IFT52: variants seen among roughly 807,000 people sequenced by gnomAD.
IFT52 encodes the protein intraflagellar transport protein 52 homolog.
A neutral mutation model predicts 54.4 loss-of-function variants in IFT52; 44 were observed. The ratio of observed to expected loss-of-function variants is 0.81; its 90% CI spans 0.63 to 1.04. The LOEUF is 1.04. Among genes scored for constraint, IFT52 ranks in the 50% least tolerant of loss-of-function variants. IFT52 has a pLI of 0.00. For synonymous variants in IFT52, 181 were observed against 185.3 expected, an observed-to-expected ratio of 0.98 and a Z score of 0.19; for missense variants, 452 against 523.6, an observed-to-expected ratio of 0.86 and a Z score of 1.33.
At chr20:43,609,610 A>T (rs6103393) in intron 6 of IFT52, among the ~76,000 whole-genome samples, 112,201 of 151,610 alleles carry the variant, frequency 0.74, 41,962 homozygotes, top group East Asian at 0.8. Flanking sequence ...CATCTATATT[A>T]AAAAAAACAA....
At chr20:43,640,748 A>C (rs1985853916) in intron 12 of IFT52, among the ~76,000 whole-genome samples, 1 of 152,078 alleles carries the variant, frequency 6.6e-6, no homozygotes, top group Admixed American at 6.6e-5. Context: ...AGAATAAATT[A>C]ATTACAGCTG....
In IFT52 at chr20:43,594,796, G is replaced by A. The variant is rs1245013158; in HGVS notation, c.98G>A (p.Arg33Gln). The change falls in exon 2 of 14, where the codon CGG (arginine) becomes CAG (glutamine). Residue 33 changes from arginine (R) to glutamine (Q), a missense_variant. Coordinates refer to ENST00000373030, the MANE Select transcript of IFT52 (RefSeq NM_016004.5). ...NGYKSMQKKL[R>Q]SNWKIQSLKD... ...TACAAATCCATGCAGAAAAAACTTC[G>A]GAGTAATTGGAAGATTCAGAGGTGA... is the stretch of plus-strand genomic sequence containing the variant. 5.0e-6 allele frequency: 8 copies of A among 1,585,434 alleles called. No homozygotes were observed. Among genetic ancestry groups the A allele is most frequent in the Middle Eastern group, 1.7e-4 (1 of 6,000 alleles).
chr20:43,600,440 T>G lies in IFT52; in HGVS notation c.208-3320T>G, dbSNP rs578055895. On this transcript the variant is annotated intron_variant, in intron 3 of 13. Coordinates refer to ENST00000373030, the MANE Select transcript of IFT52 (RefSeq NM_016004.5). Reference sequence around the variant, plus strand: ...CTGCCTCAGCCTTCCGAGTAGGTGGTACTACAGGTGCCCACCACCACGCCC... The same window carrying G: ...CTGCCTCAGCCTTCCGAGTAGGTGGGACTACAGGTGCCCACCACCACGCCC... 3.9e-5 allele frequency among the ~76,000 whole-genome samples: 6 copies of G among 151,938 alleles called. No homozygotes were observed. In the East Asian group the frequency reaches 5.8e-4, roughly 15 times the overall value.
intron 12 of IFT52, among the ~76,000 whole-genome samples, chr20:43,639,788 A>G (rs142610285): frequency 3.3e-5 from 5 of 152,050 alleles, no homozygotes; most frequent in African/African-American, 9.6e-5. Flanking sequence ...GCAGTGAGCT[A>G]TGATACACCT....
chr20:43,599,827 A>G (rs537859342), intron 3 of IFT52, among the ~76,000 whole-genome samples: 1 of 152,262 alleles, frequency 6.6e-6, no homozygotes, highest in South Asian at 2.1e-4. Context: ...TTGTGGTGGT[A>G]TTCAGTTACG....
chr20:43,607,574 CG>C (rs1232875303), intron 6 of IFT52, among the ~76,000 whole-genome samples: 1 of 147,232 alleles, frequency 6.8e-6, no homozygotes, highest in Non-Finnish European at 1.5e-5. Flanking sequence ...AGACGATGGG[CG>C]GCCGGGCAGA....
rs182987350 is a variant in IFT52 at position 43,601,096 on chromosome 20, G to T, written c.208-2664G>T. On this transcript the variant is annotated intron_variant, in intron 3 of 13. Coordinates refer to ENST00000373030, the MANE Select transcript of IFT52 (RefSeq NM_016004.5). Reference sequence around the variant, plus strand: ...TGTGGAATAGTTCTTTACTGTGTGGGACTGGTCTGAATATTGCAGGACCTT... The same window carrying T: ...TGTGGAATAGTTCTTTACTGTGTGGTACTGGTCTGAATATTGCAGGACCTT... 4.5e-4 allele frequency among the ~76,000 whole-genome samples: 68 copies of T among 152,136 alleles called. No individual in the cohort carries two copies. In the East Asian group the frequency reaches 0.012, roughly 27 times the overall value.
chr20:43,641,457 C>T (rs1205227194), intron 12 of IFT52, among the ~76,000 whole-genome samples: 7 of 151,184 alleles, frequency 4.6e-5, no homozygotes, highest in South Asian at 2.1e-4. Context: ...AGGCTGGTCT[C>T]GAACTCCCGG....
intron 8 of IFT52, among the ~76,000 whole-genome samples, chr20:43,619,910 C>CTTTTTTTTTT (rs11482384): frequency 6.0e-5 from 5 of 82,796 alleles, no homozygotes; most frequent in Non-Finnish European, 8.4e-5. Context: ...AGATATTCTA[C>CTTTTTTTTTT]TTTTTTTTTT....
chr20:43,620,618 C>T (rs1032155935), intron 8 of IFT52, among the ~76,000 whole-genome samples: 9 of 152,080 alleles, frequency 5.9e-5, no homozygotes, highest in East Asian at 1.9e-4. Context: ...ATTGCGCCAC[C>T]GCACTCTAAC....
In IFT52 at chr20:43,647,099, T is replaced by G; in HGVS notation, c.*116T>G. On this transcript the variant is annotated 3_prime_UTR_variant, in exon 14 of 14. Coordinates refer to ENST00000373030, the MANE Select transcript of IFT52 (RefSeq NM_016004.5). ...TATACACTCTTTCCTCCATGAGCTC[T>G]GGAAGGTATATGCATCTTCTGTAAT... The G allele has an allele frequency of 1.1e-6, 1 of 888,886 alleles. No homozygotes were observed. The highest frequency in any genetic ancestry group is 1.9e-6 in the Non-Finnish European group (1 of 532,292). 55.1% of individuals were successfully genotyped at this position (888,886 alleles called of 1,614,324 possible). A position where few individuals can be genotyped will look rare whatever the true frequency, so the allele number is the denominator to read the frequency against.
At chr20:43,605,221 GTCCATGC>G in intron 6 of IFT52, 148 bp downstream of exon 6, 1 of 1,438,538 alleles carries the variant, frequency 7.0e-7, no homozygotes, top group Non-Finnish European at 9.1e-7. Flanking sequence ...TGCACTGTAA[GTCCATGC>G]TCCTCCCCCT....
In IFT52 at chr20:43,596,508, T is replaced by G. The variant is rs1401149041; in HGVS notation, c.193T>G (p.Phe65Val). ...GATTACAGCTGGGCCAAGGGAAAAA[T>G]TTACTGCAGCTGAGGTAAGAAATAT... is the stretch of plus-strand genomic sequence containing the variant. ...LWITAGPREK[F>V]TAAEFEILKK... Residue 65 changes from phenylalanine (F) to valine (V), a missense_variant, in exon 3 of 14, where the codon TTT becomes GTT. Physicochemically the swap from Phe to Val is conservative, Grantham distance 50. Coordinates refer to ENST00000373030, the MANE Select transcript of IFT52 (RefSeq NM_016004.5). 9.4e-6 allele frequency: 15 copies of G among 1,598,200 alleles called. No individual in the cohort carries two copies. Among genetic ancestry groups the G allele is most frequent in the Non-Finnish European group, 1.2e-5 (14 of 1,166,510 alleles).
At chr20:43,637,078 T>C in intron 11 of IFT52, 67 bp from the exon 12 acceptor site, 1 of 1,115,518 alleles carries the variant, frequency 9.0e-7, no homozygotes, top group Non-Finnish European at 1.3e-6. Flanking sequence ...AAGCTCTTTC[T>C]TGAGAGACTT....
chr20:43,609,086 C>A (rs891899946), intron 6 of IFT52, among the ~76,000 whole-genome samples: 80 of 149,322 alleles, frequency 5.4e-4, no homozygotes, highest in African/African-American at 1.8e-3. Context: ...AAAAAAAAAA[C>A]TGAAAATTAG....
At chr20:43,623,458 G>C (rs1259761932) in intron 9 of IFT52, among the ~76,000 whole-genome samples, 1 of 152,118 alleles carries the variant, frequency 6.6e-6, no homozygotes, top group Non-Finnish European at 1.5e-5. Flanking sequence ...AAGTGTTGTA[G>C]GTGTGAGCCA....
intron 12 of IFT52, among the ~76,000 whole-genome samples, chr20:43,637,876 A>C (rs1361200810): frequency 1.3e-5 from 2 of 152,202 alleles, no homozygotes; most frequent in African/African-American, 4.8e-5. Flanking sequence ...CCACTTAGCA[A>C]ATCTCAGTCA....
Position 43,604,253 on chromosome 20 carries a change from G to T in IFT52, c.408G>T (p.Leu136Phe). 2 of 1,605,270 alleles carry T rather than the reference G, an allele frequency of 1.2e-6. No homozygotes were observed. Among genetic ancestry groups the T allele is most frequent in the South Asian group, 2.2e-5 (2 of 90,840 alleles). ...PKEALVSSGV[L>F]NREISRAAGK... ...AAGCTCTAGTTTCCAGTGGAGTCTTGAACAGGTAAGCATGTTGAAAGCAGA... is the reference window on the plus strand; with the variant it reads ...AAGCTCTAGTTTCCAGTGGAGTCTTTAACAGGTAAGCATGTTGAAAGCAGA... The change falls in exon 5 of 14, where the codon TTG becomes TTT. Residue 136 changes from leucine (L) to phenylalanine (F), a missense_variant. Leu to Phe is a conservative substitution (Grantham distance 22, BLOSUM62 0). Transcript: ENST00000373030.
chr20:43,605,866 C>G (rs570393697), intron 6 of IFT52, among the ~76,000 whole-genome samples: 2 of 152,122 alleles, frequency 1.3e-5, no homozygotes, highest in Non-Finnish European at 2.9e-5. Flanking sequence ...AACTTAGATG[C>G]AAACATAGGC....
Sources: allele counts gnomAD v4.1 joint callset (sites outside exome capture counted in the v4.1 genomes callset), GRCh38; gene constraint gnomAD v4.1.1; transcripts MANE v1.5; gene names NCBI Gene and HGNC (gene_info 2026-07-23, HGNC 2026-07-21).